Variants in IMMP2L observed in about 807,000 individuals in gnomAD.
The protein encoded by IMMP2L is inner mitochondrial membrane peptidase subunit 2.
A neutral mutation model predicts 19.3 loss-of-function variants in IMMP2L; 18 were observed. The observed-to-expected ratio is 0.93, with a 90% CI of 0.64 to 1.38. IMMP2L has a LOEUF of 1.38. Among genes scored for constraint, IMMP2L ranks in the 40% most tolerant of loss-of-function variants. IMMP2L has a pLI of 0.00. For missense variants in IMMP2L, 233 were observed against 218.2 expected (o/e 1.07, Z -0.43); for synonymous variants, 76 against 73.0 (o/e 1.04, Z -0.21).
At chr7:111,204,737 C>G (rs995154252) in intron 3 of IMMP2L, among the ~76,000 whole-genome samples, 2 of 152,142 alleles carry the variant, frequency 1.3e-5, no homozygotes, top group African/African-American at 2.4e-5. Flanking sequence ...TTGCTATCCC[C>G]CATTTAAAGA....
rs191510643 is a variant in IMMP2L, at chr7:110,907,848, G to A, written c.306-21153C>T. 4.6e-5 allele frequency among the ~76,000 whole-genome samples: 7 copies of A among 152,266 alleles called. No individual in the cohort carries two copies. The East Asian group carries it at 1.2e-3, about 25-fold the overall frequency. The stretch of plus-strand genomic sequence containing the variant: ...AAGCAACCATGCCAACAGTGAGTGG[G>A]GCAATTGGTGGGGGGGAAATGCTTC... On this transcript the variant is annotated intron_variant, in intron 4 of 5. Transcript: ENST00000405709.
chr7:111,420,778 T>C (rs1835432934), intron 3 of IMMP2L, among the ~76,000 whole-genome samples: 1 of 151,802 alleles, frequency 6.6e-6, no homozygotes, highest in African/African-American at 2.4e-5. Context: ...GGTGTATAAG[T>C]GCCACATTTT....
intron 5 of IMMP2L, among the ~76,000 whole-genome samples, chr7:110,883,098 A>T (rs1040110191): frequency 7.9e-5 from 12 of 152,174 alleles, no homozygotes; most frequent in Admixed American, 1.3e-4. Context: ...TTTGCGCTTT[A>T]TAAACTTCAA....
At chr7:110,818,007 A>C (rs1802687056) in intron 5 of IMMP2L, among the ~76,000 whole-genome samples, 1 of 152,104 alleles carries the variant, frequency 6.6e-6, no homozygotes, top group Non-Finnish European at 1.5e-5. Flanking sequence ...AACCATAAAA[A>C]CCCTAGAAGA....
chr7:111,200,330 GTTTAA>G (rs780890475), intron 3 of IMMP2L, among the ~76,000 whole-genome samples: 1 of 151,998 alleles, frequency 6.6e-6, no homozygotes, highest in Non-Finnish European at 1.5e-5. Flanking sequence ...GTGTAATACT[GTTTAA>G]TTTAACTTGT....
At chr7:111,475,320 T>C (rs994654236) in intron 3 of IMMP2L, among the ~76,000 whole-genome samples, 2 of 152,108 alleles carry the variant, frequency 1.3e-5, no homozygotes, top group African/African-American at 4.8e-5. Flanking sequence ...CTGATAAAAT[T>C]TGGTGGGTGT....
At chr7:111,115,861 G>C (rs1313025311) in intron 3 of IMMP2L, among the ~76,000 whole-genome samples, 1 of 151,934 alleles carries the variant, frequency 6.6e-6, no homozygotes, top group African/African-American at 2.4e-5. Context: ...ATTTTTACTA[G>C]AGACTGGGTT....
At chr7:111,400,541 T>C (rs1277116465) in intron 3 of IMMP2L, among the ~76,000 whole-genome samples, 2 of 152,082 alleles carry the variant, frequency 1.3e-5, no homozygotes, top group East Asian at 3.9e-4. Flanking sequence ...CCTACCCCAC[T>C]GTCCATTTAA....
chr7:111,205,486 A>G (rs984859291), intron 3 of IMMP2L, among the ~76,000 whole-genome samples: 1 of 152,182 alleles, frequency 6.6e-6, no homozygotes. Flanking sequence ...CAGGAAAATC[A>G]GTTCCATTGA....
chr7:111,465,624 G>T (rs1352375833), intron 3 of IMMP2L, among the ~76,000 whole-genome samples: 2 of 151,350 alleles, frequency 1.3e-5, no homozygotes, highest in Non-Finnish European at 2.9e-5. Flanking sequence ...ACCACAATGA[G>T]ATACCATCTC....
At chr7:110,836,521 G>A (rs1010499803) in intron 5 of IMMP2L, among the ~76,000 whole-genome samples, 4 of 152,074 alleles carry the variant, frequency 2.6e-5, no homozygotes, top group East Asian at 3.9e-4. Flanking sequence ...CATGTGAGAC[G>A]TGCCTTTCAC....
At chr7:110,741,921 T>C (rs529255653) in intron 5 of IMMP2L, among the ~76,000 whole-genome samples, 1 of 152,218 alleles carries the variant, frequency 6.6e-6, no homozygotes, top group Non-Finnish European at 1.5e-5. Context: ...AGATTCTACT[T>C]CTTCAAATTG....
At chr7:111,494,683 T>G (rs1211426359) in intron 2 of IMMP2L, among the ~76,000 whole-genome samples, 6 of 152,136 alleles carry the variant, frequency 3.9e-5, no homozygotes, top group Non-Finnish European at 8.8e-5. Flanking sequence ...GCAGGAACAC[T>G]GATCTCATGG....
intron 3 of IMMP2L, among the ~76,000 whole-genome samples, chr7:111,464,946 G>A (rs1214516527): frequency 3.3e-5 from 5 of 151,992 alleles, no homozygotes; most frequent in African/African-American, 7.3e-5. Flanking sequence ...CCGCCACCAG[G>A]CCCGGCTAAT....
chr7:111,472,463 C>G (rs913831713), intron 3 of IMMP2L, among the ~76,000 whole-genome samples: 2 of 152,054 alleles, frequency 1.3e-5, no homozygotes, highest in Non-Finnish European at 2.9e-5. Context: ...CAAATTCTGG[C>G]AAGATTTAAA....
At chr7:111,098,779 A>T (rs886625473) in intron 3 of IMMP2L, among the ~76,000 whole-genome samples, 5 of 151,790 alleles carry the variant, frequency 3.3e-5, no homozygotes, top group African/African-American at 4.8e-5. Flanking sequence ...AATGAAGAAC[A>T]CGAAAAGGAA....
chr7:110,735,025 T>A (rs1310257785), intron 5 of IMMP2L, among the ~76,000 whole-genome samples: 1 of 152,198 alleles, frequency 6.6e-6, no homozygotes, highest in Non-Finnish European at 1.5e-5. Context: ...TCATCCGTCT[T>A]ACTGCATAAA....
At chr7:111,498,880 A>T (rs981850906) in intron 2 of IMMP2L, among the ~76,000 whole-genome samples, 1 of 152,190 alleles carries the variant, frequency 6.6e-6, no homozygotes, top group Admixed American at 6.5e-5. Flanking sequence ...GATCAAAGCT[A>T]TAAGAACAAA....
chr7:111,155,802 G>T (rs969341092), intron 3 of IMMP2L, among the ~76,000 whole-genome samples: 1 of 151,926 alleles, frequency 6.6e-6, no homozygotes, highest in Non-Finnish European at 1.5e-5. Flanking sequence ...GCATAGCTTC[G>T]ATGTATTTTC....
Sources: gnomAD v4.1 joint callset for allele counts (sites outside exome capture counted in the v4.1 genomes callset) on GRCh38, gnomAD v4.1.1 for gene constraint, MANE v1.5 for transcripts, NCBI Gene and HGNC (gene_info 2026-07-23, HGNC 2026-07-21) for gene names.